The following DNAH11 variants were observed in gnomAD, a reference collection of about 807,000 sequenced individuals.
The protein encoded by DNAH11 is axonemal beta dynein heavy chain 11.
DNAH11 carries 442 observed loss-of-function variants against 526.0 expected under a neutral mutation model. That is an observed-to-expected ratio of 0.84 (90% CI 0.78 to 0.91). The LOEUF (loss-of-function observed/expected upper bound fraction) is 0.91, where lower values mean the gene tolerates loss of function less well. Ranked by LOEUF, DNAH11 falls within the 40% of genes least tolerant of loss-of-function variation. DNAH11 has a pLI of 0.00. For synonymous variants in DNAH11, 2,461 were observed against 1,935.9 expected, an observed-to-expected ratio of 1.27 and a Z score of -7.12; for missense variants, 6,989 against 5,448.7, an observed-to-expected ratio of 1.28 and a Z score of -8.90.
intron 46 of DNAH11, 83 bp from the exon 47 acceptor site, chr7:21,738,615 CAGA>C (rs1785725136): frequency 1.0e-5 from 14 of 1,363,686 alleles, no homozygotes; most frequent in African/African-American, 3.0e-5. Context: ...ATGAAATCGA[CAGA>C]AGAAGTTAAG....
At chr7:21,746,998 G>C (rs1312140322) in intron 51 of DNAH11, among the ~76,000 whole-genome samples, 1 of 152,164 alleles carries the variant, frequency 6.6e-6, no homozygotes, top group African/African-American at 2.4e-5. Context: ...AAAAGGTAAG[G>C]CTGTTTCTTT....
chr7:21,818,056 T>A lies in DNAH11; in HGVS notation c.10569-161T>A, dbSNP rs147075990. The stretch of plus-strand genomic sequence containing the variant: ...ATCTTAAAATCTCATCTTTAATTTC[T>A]GTGTAATCTAGTGGAAGGGAACTAC... On this transcript the variant is annotated intron_variant, in intron 64 of 81. Coordinates refer to ENST00000409508, the MANE Select transcript of DNAH11 (RefSeq NM_001277115.2). 9.4e-3 allele frequency among the ~76,000 whole-genome samples: 1,431 copies of A among 152,304 alleles called. 26 individuals carry two copies. Among genetic ancestry groups the A allele is most frequent in the African/African-American group, 0.033 (1,353 of 41,568 alleles).
intron 54 of DNAH11, among the ~76,000 whole-genome samples, chr7:21,757,326 G>C (rs1391855311): frequency 6.6e-6 from 1 of 152,154 alleles, no homozygotes; most frequent in East Asian, 1.9e-4. Context: ...CCATCATTGA[G>C]TATGGGATGA....
chr7:21,708,210 G>T (rs1295183682), intron 40 of DNAH11, among the ~76,000 whole-genome samples: 1 of 152,186 alleles, frequency 6.6e-6, no homozygotes, highest in African/African-American at 2.4e-5. Context: ...AGTAGGGCAT[G>T]TTGCCTGCCC....
intron 75 of DNAH11, among the ~76,000 whole-genome samples, chr7:21,881,278 C>CTACAATTAG (rs1318315011): frequency 6.6e-6 from 1 of 152,166 alleles, no homozygotes; most frequent in African/African-American, 2.4e-5. Context: ...TTAATAATCA[C>CTACAATTAG]TACAATTAGT....
rs1024021742 is a variant in DNAH11, at chr7:21,894,483, G to A, written c.12751-140G>A. 14 of 812,970 alleles carry A rather than the reference G, an allele frequency of 1.7e-5. No homozygotes were observed. In the Admixed American group the frequency reaches 2.9e-4, roughly 17 times the overall value. The allele number at this position is 812,970 out of a possible 1,614,324, so 50.4% of individuals were successfully genotyped here. On this transcript the variant is annotated intron_variant, in intron 77 of 81. Transcript: ENST00000409508. ...TGCTGCCCACCTCCTGGGAGCCGTAGGCATCCTTCACATGCATTTGCAGGC... is the reference window on the plus strand; with the variant it reads ...TGCTGCCCACCTCCTGGGAGCCGTAAGCATCCTTCACATGCATTTGCAGGC...
chr7:21,901,496 G>A lies in DNAH11; in HGVS notation c.*242G>A, dbSNP rs941705415. On this transcript the variant is annotated 3_prime_UTR_variant, in exon 82 of 82. Transcript: ENST00000409508. ...AGGTAGGAGAATCACTTGAACCTAG[G>A]AGGCAAAGGTTGCAGTGAGCCGAGG... The A allele has an allele frequency of 5.1e-6, 2 of 391,522 alleles. No individual in the cohort carries two copies. The highest frequency in any genetic ancestry group is 4.2e-5 in the African/African-American group (2 of 48,118). The allele number at this position is 391,522 out of a possible 1,614,324, so 24.3% of individuals were successfully genotyped here. A position where few individuals can be genotyped will look rare whatever the true frequency, so the allele number is the denominator to read the frequency against.
chr7:21,820,245 T>C (rs1244141333), intron 65 of DNAH11, among the ~76,000 whole-genome samples: 1 of 152,150 alleles, frequency 6.6e-6, no homozygotes, highest in Non-Finnish European at 1.5e-5. Flanking sequence ...TTTAGTGTGA[T>C]AAGACACAGA....
chr7:21,650,393 C>G (rs1274294705), intron 28 of DNAH11, among the ~76,000 whole-genome samples: 1 of 152,044 alleles, frequency 6.6e-6, no homozygotes, highest in East Asian at 1.9e-4. Context: ...TTTTGAGTTA[C>G]TATAGTTTTT....
intron 54 of DNAH11, among the ~76,000 whole-genome samples, chr7:21,754,670 G>A (rs1583661181): frequency 6.6e-6 from 1 of 150,780 alleles, no homozygotes; most frequent in East Asian, 2.0e-4. Flanking sequence ...GTGCTGTTTT[G>A]TTTTTAACAT....
chr7:21,661,759 G>A (rs998065130), intron 30 of DNAH11, among the ~76,000 whole-genome samples: 4 of 152,026 alleles, frequency 2.6e-5, no homozygotes, highest in African/African-American at 7.2e-5. Flanking sequence ...TGCAAAACAC[G>A]GACAATGACA....
At chr7:21,559,534 C>G in intron 3 of DNAH11, 69 bp from the exon 4 acceptor site, 1 of 1,249,234 alleles carries the variant, frequency 8.0e-7, no homozygotes, top group Non-Finnish European at 1.1e-6. Flanking sequence ...CCTAAAATAA[C>G]TATTAAAGTC....
At chr7:21,663,612 A>G (rs534461034) in intron 30 of DNAH11, among the ~76,000 whole-genome samples, 1 of 151,976 alleles carries the variant, frequency 6.6e-6, no homozygotes, top group Non-Finnish European at 1.5e-5. Flanking sequence ...GTTTTTGTAT[A>G]ACTTCTTTTG....
At chr7:21,548,471 C>A (rs1488045825) in intron 2 of DNAH11, among the ~76,000 whole-genome samples, 1 of 152,088 alleles carries the variant, frequency 6.6e-6, no homozygotes. Context: ...ATTAGGCATC[C>A]CCCTAGGGAC....
intron 66 of DNAH11, among the ~76,000 whole-genome samples, chr7:21,850,608 C>CTTTTTTTTTTTTTTTTTTTTTTTTCT (rs3062635): frequency 1.6e-5 from 1 of 62,658 alleles, no homozygotes; most frequent in Non-Finnish European, 2.9e-5. Flanking sequence ...CTGTCTTCTT[C>CTTTTTTTTTTTTTTTTTTTTTTTTCT]TTTTTTTTTT....
chr7:21,629,428 G>T (rs181337315), intron 25 of DNAH11, among the ~76,000 whole-genome samples: 3 of 152,090 alleles, frequency 2.0e-5, no homozygotes, highest in Non-Finnish European at 4.4e-5. Flanking sequence ...ACTAGGTCTA[G>T]TGTGTAGTTT....
intron 14 of DNAH11, among the ~76,000 whole-genome samples, chr7:21,592,027 T>TC (rs1428205013): frequency 6.6e-6 from 1 of 151,932 alleles, no homozygotes; most frequent in Non-Finnish European, 1.5e-5. Flanking sequence ...TAACAGGCAC[T>TC]CATCTAGGCT....
intron 65 of DNAH11, among the ~76,000 whole-genome samples, chr7:21,834,539 CA>C (rs1160486046): frequency 1.4e-4 from 22 of 152,126 alleles, no homozygotes; most frequent in Non-Finnish European, 2.8e-4. Flanking sequence ...ATCAACAAGA[CA>C]GTTGGTTTTC....
At chr7:21,588,436 A>G (rs1016236107) in intron 10 of DNAH11, 76 bp from the exon 11 acceptor site, 28 of 1,554,420 alleles carry the variant, frequency 1.8e-5, no homozygotes, top group Non-Finnish European at 2.3e-5. Context: ...CCAAAATGAA[A>G]AATTGCTTAC....
Sources: gnomAD v4.1 joint callset for allele counts (sites outside exome capture counted in the v4.1 genomes callset) on GRCh38, gnomAD v4.1.1 for gene constraint, MANE v1.5 for transcripts, NCBI Gene and HGNC (gene_info 2026-07-23, HGNC 2026-07-21) for gene names.